Variants in TXNDC16 observed in about 807,000 individuals in gnomAD.
TXNDC16 encodes thioredoxin domain-containing protein 16.
Under a neutral mutation model 85.6 loss-of-function variants are expected in TXNDC16, and 74 were observed. The ratio of observed to expected loss-of-function variants is 0.86; its 90% CI spans 0.72 to 1.05. The LOEUF (loss-of-function observed/expected upper bound fraction) is 1.05. Ranked by LOEUF, TXNDC16 falls within the 50% of genes least tolerant of loss-of-function variation. TXNDC16 has a pLI of 0.00. For missense variants in TXNDC16, 959 were observed against 947.0 expected (o/e 1.01, Z -0.17); for synonymous variants, 335 against 326.5 (o/e 1.03, Z -0.28).
At chr14:52,436,452 G>GGGT (rs2035028926) in intron 20 of TXNDC16, among the ~76,000 whole-genome samples, 1 of 152,142 alleles carries the variant, frequency 6.6e-6, no homozygotes, top group Non-Finnish European at 1.5e-5. Context: ...AATGGGTATG[G>GGGT]GGTTTCTTTT....
At chr14:52,523,261 T>A (rs1266339065) in intron 6 of TXNDC16, among the ~76,000 whole-genome samples, 1 of 152,190 alleles carries the variant, frequency 6.6e-6, no homozygotes, top group Non-Finnish European at 1.5e-5. Context: ...GCCTTCATTT[T>A]CTTTGGCATG....
intron 6 of TXNDC16, among the ~76,000 whole-genome samples, chr14:52,534,375 G>T (rs533437020): frequency 6.6e-6 from 1 of 152,120 alleles, no homozygotes; most frequent in East Asian, 1.9e-4. Flanking sequence ...ACACAAATTC[G>T]TAAACTTTCT....
intron 20 of TXNDC16, among the ~76,000 whole-genome samples, chr14:52,432,870 G>C (rs79160394): frequency 1.3e-5 from 2 of 152,000 alleles, no homozygotes; most frequent in East Asian, 3.9e-4. Context: ...TCTCAATGCC[G>C]ATTAACCTTT....
chr14:52,450,906 T>C (rs1489618366), intron 18 of TXNDC16, among the ~76,000 whole-genome samples: 1 of 151,070 alleles, frequency 6.6e-6, no homozygotes, highest in African/African-American at 2.4e-5. Context: ...TACATATATA[T>C]ATGTATACAT....
At chr14:52,499,493 G>T (rs2036606496) in intron 9 of TXNDC16, among the ~76,000 whole-genome samples, 1 of 151,304 alleles carries the variant, frequency 6.6e-6, no homozygotes, top group Non-Finnish European at 1.5e-5. Flanking sequence ...TTTTTCCAAA[G>T]AAGATACACA....
intron 18 of TXNDC16, among the ~76,000 whole-genome samples, chr14:52,447,114 C>T (rs537933175): frequency 6.6e-6 from 1 of 152,126 alleles, no homozygotes; most frequent in Admixed American, 6.5e-5. Context: ...GGGGGGGCCA[C>T]AATTCTAGGC....
chr14:52,455,924 A>G (rs1241379990), intron 17 of TXNDC16, among the ~76,000 whole-genome samples: 2 of 152,138 alleles, frequency 1.3e-5, no homozygotes, highest in Non-Finnish European at 2.9e-5. Flanking sequence ...TTGCAGATTA[A>G]GAAATAGGAC....
chr14:52,526,611 T>A (rs963588973), intron 6 of TXNDC16, among the ~76,000 whole-genome samples: 12 of 152,214 alleles, frequency 7.9e-5, no homozygotes, highest in African/African-American at 2.9e-4. Context: ...AACATATCTG[T>A]GATACTGTAA....
At chr14:52,466,815 C>G (rs922060959) in intron 16 of TXNDC16, among the ~76,000 whole-genome samples, 89 of 151,306 alleles carry the variant, frequency 5.9e-4, no homozygotes, top group Admixed American at 2.4e-3. Context: ...TGCAGTGAGC[C>G]GAGATCACGC....
intron 11 of TXNDC16, among the ~76,000 whole-genome samples, chr14:52,488,879 A>T (rs1274582948): frequency 1.3e-5 from 2 of 151,824 alleles, no homozygotes; most frequent in Non-Finnish European, 2.9e-5. Context: ...ACTAAAATAA[A>T]ACTAAGCCTT....
At chr14:52,485,566 T>C (rs1293898057) in intron 12 of TXNDC16, among the ~76,000 whole-genome samples, 1 of 152,210 alleles carries the variant, frequency 6.6e-6, no homozygotes, top group East Asian at 1.9e-4. Context: ...GCTCCATACA[T>C]GGTATGTACC....
intron 14 of TXNDC16, among the ~76,000 whole-genome samples, chr14:52,471,535 T>C (rs138668348): frequency 6.6e-6 from 1 of 152,312 alleles, no homozygotes; most frequent in East Asian, 1.9e-4. Flanking sequence ...CCTTGACATA[T>C]GCTATTATAG....
chr14:52,519,198 G>C lies in TXNDC16; in HGVS notation c.488C>G (p.Ser163Ter). ...ALKGKANIIF[S>*]YVRAIGIPEH... ...TGGTATTCCAATGGCTCTTACATAT[G>C]AGAATATAATATTTGCTTTTCCTTT... The change falls in exon 7 of 21, where the codon TCA becomes TGA. Residue 163 changes from serine to a stop codon, truncating the protein, a stop_gained. Coordinates refer to ENST00000281741, the MANE Select transcript of TXNDC16 (RefSeq NM_020784.3). LOFTEE classifies it high-confidence loss of function. The C allele has an allele frequency of 6.2e-7, 1 of 1,611,384 alleles. No individual in the cohort carries two copies. Among genetic ancestry groups the C allele is most frequent in the Non-Finnish European group, 8.5e-7 (1 of 1,178,858 alleles).
chr14:52,506,123 A>G (rs1410990680), intron 9 of TXNDC16, among the ~76,000 whole-genome samples: 1 of 152,228 alleles, frequency 6.6e-6, no homozygotes, highest in African/African-American at 2.4e-5. Flanking sequence ...AGATGGATTC[A>G]CAGCCGAATT....
At chr14:52,447,597 A>G (rs67565529) in intron 18 of TXNDC16, among the ~76,000 whole-genome samples, 41,290 of 151,970 alleles carry the variant, frequency 0.27, 5,747 homozygotes, top group East Asian at 0.39. Flanking sequence ...TTTGGGAGAA[A>G]GTAAGAGAAG....
chr14:52,473,116 T>G (rs1167130701), intron 14 of TXNDC16, among the ~76,000 whole-genome samples: 1 of 152,110 alleles, frequency 6.6e-6, no homozygotes, highest in Admixed American at 6.5e-5. Flanking sequence ...CTTCTCAAAC[T>G]AGACTATAAA....
At chr14:52,506,658 G>A (rs569776793) in intron 9 of TXNDC16, among the ~76,000 whole-genome samples, 1,383 of 138,202 alleles carry the variant, frequency 0.01, 87 homozygotes, top group Non-Finnish European at 0.014. Context: ...CCGGGTTCAC[G>A]CCATTCTCCT....
At chr14:52,441,362 A>G (rs1594680041) in intron 18 of TXNDC16, among the ~76,000 whole-genome samples, 2 of 152,228 alleles carry the variant, frequency 1.3e-5, no homozygotes, top group African/African-American at 4.8e-5. Flanking sequence ...TAATCCCAGC[A>G]CTTTGGGAGG....
chr14:52,499,847 C>A (rs2036616957), intron 9 of TXNDC16, among the ~76,000 whole-genome samples: 2 of 152,008 alleles, frequency 1.3e-5, no homozygotes, highest in Non-Finnish European at 2.9e-5. Flanking sequence ...CCTACACGCT[C>A]CATCTTGTAT....
Sources: allele counts gnomAD v4.1 joint callset (sites outside exome capture counted in the v4.1 genomes callset), GRCh38; gene constraint gnomAD v4.1.1; transcripts MANE v1.5; gene names NCBI Gene and HGNC (gene_info 2026-07-23, HGNC 2026-07-21).